ZMYM2: variants seen among roughly 807,000 people sequenced by gnomAD.
ZMYM2 encodes zinc finger MYM-type containing 2, also known as zinc finger MYM-type protein 2.
A neutral mutation model predicts 162.8 loss-of-function variants in ZMYM2; 56 were observed. That is an observed-to-expected ratio of 0.34 (90% CI 0.28 to 0.43). ZMYM2 has a LOEUF of 0.43. Among genes scored for constraint, ZMYM2 ranks in the 20% least tolerant of loss-of-function variants. ZMYM2 has a pLI of 1.00. For synonymous variants in ZMYM2, 510 were observed against 541.6 expected (o/e 0.94, Z 0.81); for missense variants, 1,275 against 1,621.8 (o/e 0.79, Z 3.67).
At chr13:19,981,314 CAAAA>C (rs60418884) in intron 2 of ZMYM2, among the ~76,000 whole-genome samples, 25,656 of 151,070 alleles carry the variant, frequency 0.17, 3,313 homozygotes, top group African/African-American at 0.37. Flanking sequence ...AAAAAAAAAA[CAAAA>C]AACAAACCCC....
chr13:20,040,416 G>C (rs963302225), intron 12 of ZMYM2, among the ~76,000 whole-genome samples: 1 of 152,064 alleles, frequency 6.6e-6, no homozygotes, highest in African/African-American at 2.4e-5. Context: ...TTGTATTTCT[G>C]TGAGGGTAGT....
chr13:20,057,559 G>T (rs1342568053), intron 14 of ZMYM2, among the ~76,000 whole-genome samples: 10 of 152,208 alleles, frequency 6.6e-5, no homozygotes, highest in Non-Finnish European at 1.0e-4. Context: ...TGTACAATAT[G>T]TGTGGAGTAC....
chr13:20,060,976 T>G, intron 16 of ZMYM2, 77 bp from the exon 17 acceptor site: 7 of 1,369,752 alleles, frequency 5.1e-6, no homozygotes, highest in Non-Finnish European at 7.0e-6. Flanking sequence ...GTAGATCATG[T>G]GTCAGAGTAA....
At chr13:20,081,577 T>G (rs1347909801) in intron 21 of ZMYM2, among the ~76,000 whole-genome samples, 15 of 152,226 alleles carry the variant, frequency 9.9e-5, no homozygotes, top group Admixed American at 9.8e-4. Flanking sequence ...AGATAACATT[T>G]CCTCTCATTC....
intron 12 of ZMYM2, among the ~76,000 whole-genome samples, chr13:20,047,004 TAAAC>T (rs1954890509): frequency 1.3e-5 from 2 of 152,186 alleles, no homozygotes; most frequent in South Asian, 4.1e-4. Flanking sequence ...TGCCTTATTT[TAAAC>T]AGATCTTTGT....
rs9579763 is a variant in ZMYM2, at chr13:20,011,578, A to G, written c.1512+4992A>G. On this transcript the variant is annotated intron_variant, in intron 6 of 24. Coordinates refer to ENST00000610343, the MANE Select transcript of ZMYM2 (RefSeq NM_197968.4). ...GCAGAAGTTTTTATTTTTTTGTTTT[A>G]TTTTTTTTTTTTTTGAGGGGTGAAG... is the stretch of plus-strand genomic sequence containing the variant. 9.3e-5 allele frequency among the ~76,000 whole-genome samples: 12 copies of G among 128,868 alleles called. 2 individuals carry two copies. Among genetic ancestry groups the G allele is most frequent in the African/African-American group, 2.5e-4 (9 of 35,750 alleles). 84.5% of individuals were successfully genotyped at this position (128,868 alleles called of 152,430 possible).
chr13:20,067,103 A>C, intron 20 of ZMYM2, 84 bp downstream of exon 20: 1 of 1,420,142 alleles, frequency 7.0e-7, no homozygotes, highest in African/African-American at 1.4e-5. Context: ...TAAAAAACAT[A>C]AATGTAACTT....
intron 21 of ZMYM2, chr13:20,070,637 A>G (rs1957014109): frequency 6.6e-6 from 1 of 152,416 alleles, no homozygotes. Flanking sequence ...CTCAGTCCCA[A>G]GTAGCTGGGA....
At chr13:19,933,917 T>C in the ZMYM2 span, among the ~76,000 whole-genome samples, 3 of 152,234 alleles carry the variant, frequency 2.0e-5, no homozygotes, top group Non-Finnish European at 4.4e-5. Context: ...TGGTCAGCAA[T>C]CACAGTATCC....
At chr13:20,055,011 T>C (rs1213437129) in intron 14 of ZMYM2, among the ~76,000 whole-genome samples, 3 of 149,032 alleles carry the variant, frequency 2.0e-5, no homozygotes, top group African/African-American at 4.9e-5. Flanking sequence ...TTTTTTTTTT[T>C]TCCCCCAACC....
chr13:19,986,807 A>T (rs1401069883), intron 2 of ZMYM2, among the ~76,000 whole-genome samples: 1 of 151,300 alleles, frequency 6.6e-6, no homozygotes, highest in Non-Finnish European at 1.5e-5. Context: ...TGCACAGATT[A>T]AAAAAAAATC....
At chr13:19,990,471 C>G (rs1461636045) in intron 2 of ZMYM2, among the ~76,000 whole-genome samples, 1 of 152,170 alleles carries the variant, frequency 6.6e-6, no homozygotes, top group African/African-American at 2.4e-5. Flanking sequence ...ACAGCTGAAT[C>G]TTATCATTTC....
intron 24 of ZMYM2, among the ~76,000 whole-genome samples, chr13:20,084,352 A>G (rs1958106138): frequency 6.6e-6 from 1 of 152,204 alleles, no homozygotes; most frequent in Admixed American, 6.5e-5. Context: ...ACAGCAAAGC[A>G]AGGGACACAA....
intron 12 of ZMYM2, among the ~76,000 whole-genome samples, chr13:20,042,491 C>A (rs567675385): frequency 6.6e-6 from 1 of 152,076 alleles, no homozygotes; most frequent in South Asian, 2.1e-4. Flanking sequence ...TCAGTGTGCT[C>A]CTGCTTCTCA....
At position 20,021,271 on chromosome 13, in the gene ZMYM2, G is replaced by A. The variant is rs549766898; in HGVS notation, c.1584+1653G>A. On this transcript the variant is annotated intron_variant, in intron 7 of 24. Transcript: ENST00000610343. ...ATTACAGGCGTGAGCCACTGCGCCC[G>A]GCCTTACTGTTTTCATATCTGCCAT... Among the ~76,000 whole-genome samples, 303 of 151,800 alleles carry A rather than the reference G, an allele frequency of 2.0e-3. 1 individual carries two copies. The highest frequency in any genetic ancestry group is 6.5e-3 in the African/African-American group (271 of 41,424).
chr13:19,884,447 G>A, the ZMYM2 span, among the ~76,000 whole-genome samples: 37 of 152,040 alleles, frequency 2.4e-4, no homozygotes, highest in Non-Finnish European at 3.2e-4. Flanking sequence ...ACGTGGCGGC[G>A]GGCGGCCGTG....
intron 13 of ZMYM2, 52 bp downstream of exon 13, chr13:20,051,650 G>A (rs370070848): frequency 8.6e-6 from 13 of 1,516,120 alleles, no homozygotes; most frequent in African/African-American, 2.8e-5. Context: ...CAGTCTTTAC[G>A]TAGTTTTGAA....
At chr13:20,053,042 G>A (rs956067951) in intron 14 of ZMYM2, among the ~76,000 whole-genome samples, 3 of 152,002 alleles carry the variant, frequency 2.0e-5, no homozygotes, top group African/African-American at 7.3e-5. Context: ...ACTTTTGTTA[G>A]CATTTTAAGA....
chr13:20,066,064 A>AT (rs1956649411), intron 19 of ZMYM2, among the ~76,000 whole-genome samples: 1 of 152,182 alleles, frequency 6.6e-6, no homozygotes, highest in Non-Finnish European at 1.5e-5. Context: ...GCACAAAGTG[A>AT]TTTATGTAGA....
Sources: allele counts gnomAD v4.1 joint callset (sites outside exome capture counted in the v4.1 genomes callset), GRCh38; gene constraint gnomAD v4.1.1; transcripts MANE v1.5; gene names NCBI Gene and HGNC (gene_info 2026-07-23, HGNC 2026-07-21).